Variants in KCNIP4 observed in about 807,000 individuals in gnomAD.
KCNIP4 encodes the protein Kv channel-interacting protein 4.
In KCNIP4, 12 loss-of-function variants were observed where a neutral mutation model predicts 34.0. The ratio of observed to expected loss-of-function variants is 0.35; its 90% CI spans 0.23 to 0.57. The LOEUF is 0.57. Among genes scored for constraint, KCNIP4 ranks in the 20% least tolerant of loss-of-function variants. The pLI, the probability that KCNIP4 is intolerant of heterozygous loss-of-function variation, is 0.83. For missense variants in KCNIP4, 238 were observed against 311.7 expected (o/e 0.76, Z 1.78); for synonymous variants, 124 against 102.2 (o/e 1.21, Z -1.29).
chr4:20,862,823 A>G (rs779000971), intron 2 of KCNIP4, among the ~76,000 whole-genome samples: 1 of 152,164 alleles, frequency 6.6e-6, no homozygotes, highest in Non-Finnish European at 1.5e-5. Context: ...TTGCAGAAAC[A>G]TGGATGGAGC....
intron 1 of KCNIP4, among the ~76,000 whole-genome samples, chr4:21,535,539 T>C (rs897862257): frequency 2.6e-5 from 4 of 152,136 alleles, no homozygotes; most frequent in Non-Finnish European, 5.9e-5. Context: ...TAAAGAACCA[T>C]GATTTAAGCT....
intron 1 of KCNIP4, among the ~76,000 whole-genome samples, chr4:21,707,938 C>T (rs1295273173): frequency 3.7e-5 from 1 of 27,090 alleles, no homozygotes; most frequent in Non-Finnish European, 9.0e-5. Flanking sequence ...CACATACACA[C>T]ACACACACAC....
intron 1 of KCNIP4, among the ~76,000 whole-genome samples, chr4:21,207,812 TTTTC>T (rs1431477368): frequency 6.6e-6 from 1 of 151,588 alleles, no homozygotes; most frequent in Admixed American, 6.6e-5. Context: ...TTCTTTTTCA[TTTTC>T]TTTTTTTTTT....
At chr4:20,854,667 T>G (rs1416479128) in intron 2 of KCNIP4, among the ~76,000 whole-genome samples, 2 of 152,120 alleles carry the variant, frequency 1.3e-5, no homozygotes, top group Non-Finnish European at 2.9e-5. Context: ...ATCTGTTCAT[T>G]TTACAAGTAA....
At chr4:20,890,301 G>A (rs1255281514) in intron 1 of KCNIP4, among the ~76,000 whole-genome samples, 1 of 152,148 alleles carries the variant, frequency 6.6e-6, no homozygotes, top group Non-Finnish European at 1.5e-5. Context: ...AGATATGAAG[G>A]AGGGATGGGG....
At chr4:21,238,465 G>C (rs1218179865) in intron 1 of KCNIP4, among the ~76,000 whole-genome samples, 2 of 152,172 alleles carry the variant, frequency 1.3e-5, no homozygotes, top group Non-Finnish European at 2.9e-5. Context: ...TGACATGATT[G>C]TATATCTAGA....
At chr4:21,517,273 A>T (rs909846701) in intron 1 of KCNIP4, among the ~76,000 whole-genome samples, 2 of 152,138 alleles carry the variant, frequency 1.3e-5, no homozygotes, top group Non-Finnish European at 2.9e-5. Context: ...CCTTCCTGTA[A>T]ATAACCATAA....
chr4:21,758,931 C>CAAT (rs146608463), intron 1 of KCNIP4, among the ~76,000 whole-genome samples: 11 of 151,666 alleles, frequency 7.3e-5, no homozygotes, highest in African/African-American at 1.7e-4. Context: ...ATAATAATAA[C>CAAT]AATAATAATA....
At position 21,887,351 on chromosome 4, in the gene KCNIP4, G is replaced by A. The variant is rs140176206; in HGVS notation, c.61+61220C>T. ...TGGTTGTATCCTCACTTGGAGGGGC[G>A]CAGAAAGAGTTAGCTCTCTGGTATC... On this transcript the variant is annotated intron_variant, in intron 1 of 8. Transcript: ENST00000382152. 4.2e-3 allele frequency among the ~76,000 whole-genome samples: 637 copies of A among 152,150 alleles called. 4 individuals carry two copies. Among genetic ancestry groups the A allele is most frequent in the African/African-American group, 0.014 (595 of 41,532 alleles).
At chr4:20,782,659 C>G (rs975261694) in intron 3 of KCNIP4, among the ~76,000 whole-genome samples, 1 of 152,088 alleles carries the variant, frequency 6.6e-6, no homozygotes, top group African/African-American at 2.4e-5. Context: ...GCATGGGGAC[C>G]CTGGGCTCTT....
At chr4:21,484,505 G>A (rs547075046) in intron 1 of KCNIP4, among the ~76,000 whole-genome samples, 27 of 152,184 alleles carry the variant, frequency 1.8e-4, no homozygotes, top group Non-Finnish European at 2.8e-4. Flanking sequence ...GTATCACCAC[G>A]ACTAAAATAA....
chr4:20,752,995 C>G (rs1470296157), intron 4 of KCNIP4: 1 of 152,146 alleles, frequency 6.6e-6, no homozygotes, highest in Admixed American at 6.5e-5. Flanking sequence ...TCTTCGTGAT[C>G]ACATTCCTTT....
chr4:21,094,967 C>T (rs1247917526), intron 1 of KCNIP4, among the ~76,000 whole-genome samples: 1 of 151,988 alleles, frequency 6.6e-6, no homozygotes, highest in East Asian at 1.9e-4. Context: ...ACTGCCTTCT[C>T]CATGGTAGAA....
chr4:21,784,282 C>G (rs950961794), intron 1 of KCNIP4, among the ~76,000 whole-genome samples: 3 of 152,038 alleles, frequency 2.0e-5, no homozygotes, highest in Non-Finnish European at 2.9e-5. Flanking sequence ...CAAACCATAT[C>G]AATATACATA....
chr4:21,460,881 C>T (rs753456087), intron 1 of KCNIP4, among the ~76,000 whole-genome samples: 1 of 152,032 alleles, frequency 6.6e-6, no homozygotes, highest in Non-Finnish European at 1.5e-5. Context: ...ATCCTTTAGA[C>T]CCCTGCTAGT....
chr4:21,529,459 T>A (rs981811005), intron 1 of KCNIP4, among the ~76,000 whole-genome samples: 4 of 152,186 alleles, frequency 2.6e-5, no homozygotes, highest in African/African-American at 9.6e-5. Flanking sequence ...ACAGCTGAGA[T>A]AATTCAGTTT....
chr4:21,755,910 T>C (rs1323767012), intron 1 of KCNIP4, among the ~76,000 whole-genome samples: 1 of 152,194 alleles, frequency 6.6e-6, no homozygotes, highest in Non-Finnish European at 1.5e-5. Flanking sequence ...TATGGTTGTA[T>C]TGATATAATA....
At chr4:21,063,455 C>A (rs1056858851) in intron 1 of KCNIP4, among the ~76,000 whole-genome samples, 2 of 151,960 alleles carry the variant, frequency 1.3e-5, no homozygotes, top group African/African-American at 4.8e-5. Context: ...ACTGATATAC[C>A]CACTATTCTT....
chr4:21,637,783 CA>C (rs3050028), intron 1 of KCNIP4, among the ~76,000 whole-genome samples: 16,360 of 109,088 alleles, frequency 0.15, 1,321 homozygotes, highest in African/African-American at 0.31. Context: ...AAGTCCGTCT[CA>C]AAAAAAAAAA....
Sources: allele counts gnomAD v4.1 joint callset (sites outside exome capture counted in the v4.1 genomes callset), GRCh38; gene constraint gnomAD v4.1.1; transcripts MANE v1.5; gene names NCBI Gene and HGNC (gene_info 2026-07-23, HGNC 2026-07-21).